Variants in PACS2 observed in about 807,000 individuals in gnomAD.
The protein encoded by PACS2 is phosphofurin acidic cluster sorting protein 2.
PACS2 carries 36 observed loss-of-function variants against 113.0 expected under a neutral mutation model. The observed-to-expected ratio is 0.32, with a 90% CI of 0.24 to 0.42. The LOEUF is 0.42. PACS2 is among the 10% of genes least tolerant of loss of function. The pLI is 1.00. For missense variants in PACS2, 1,015 were observed against 1,239.5 expected (o/e 0.82, Z 2.72); for synonymous variants, 589 against 536.1 (o/e 1.10, Z -1.36).
chr14:105,394,825 G>GT lies in PACS2; in HGVS notation c.*153_*154insT. The GT allele has an allele frequency of 1.6e-6, 1 of 636,066 alleles. No homozygotes were observed. Among genetic ancestry groups the GT allele is most frequent in the Non-Finnish European group, 2.8e-6 (1 of 352,750 alleles). The allele number at this position is 636,066 out of a possible 1,614,324, so 39.4% of individuals were successfully genotyped here. ...TGTGCTCACAACGTGGAAACTAACGGGGGAGCTCCTGCCAGGAGCCGAATA... is the reference window on the plus strand; with the variant it reads ...TGTGCTCACAACGTGGAAACTAACGGTGGGAGCTCCTGCCAGGAGCCGAATA... On this transcript the variant is annotated 3_prime_UTR_variant, in exon 25 of 25. Transcript: ENST00000447393.
chr14:105,369,911 C>T lies in PACS2; in HGVS notation c.801+11C>T, dbSNP rs371774004. On this transcript the variant is annotated intron_variant, in intron 8 of 24. Coordinates refer to ENST00000447393, the MANE Select transcript of PACS2 (RefSeq NM_001100913.3). ...AAAGTGTCCGACGAGGTGAGTGCGC[C>T]GCGCCTTCTGCTCGCGGCCCCCACG... 4.6e-5 allele frequency: 73 copies of T among 1,597,256 alleles called. No individual in the cohort carries two copies. The highest frequency in any genetic ancestry group is 1.1e-4 in the East Asian group (5 of 44,556).
At chr14:105,391,512 T>TGGCCC in intron 21 of PACS2, 119 bp from the exon 22 acceptor site, 19 of 611,262 alleles carry the variant, frequency 3.1e-5, no homozygotes, top group East Asian at 8.7e-5. Flanking sequence ...CACTGGGGAC[T>TGGCCC]CCCACCCTGC....
chr14:105,339,159 G>A (rs1453162624), intron 1 of PACS2, among the ~76,000 whole-genome samples: 3 of 152,190 alleles, frequency 2.0e-5, no homozygotes, highest in Non-Finnish European at 2.9e-5. Flanking sequence ...TGCCAAAGAT[G>A]GAAAGTGGGG....
In PACS2 at chr14:105,376,668, C is replaced by G. The variant is rs2080790586; in HGVS notation, c.802-100C>G. On this transcript the variant is annotated intron_variant, in intron 8 of 24. Transcript: ENST00000447393. This position sits in a 1 kb window ranked among gnomAD's most constrained non-coding sequence, Gnocchi z 4.7. ...GTGGAGGGGTTTGGTGGCTGGGTGC[C>G]CGCCTCCTATTGCTCCTGCAGACTC... The G allele has an allele frequency of 1.8e-6, 2 of 1,140,478 alleles. No homozygotes were observed. The highest frequency in any genetic ancestry group is 1.6e-5 in the African/African-American group (1 of 63,816). 70.6% of individuals were successfully genotyped at this position (1,140,478 alleles called of 1,614,324 possible).
chr14:105,394,808 C>A lies in PACS2; in HGVS notation c.*136C>A. ...ACAGTCTTAAGTATGAATGTGCTCA[C>A]AACGTGGAAACTAACGGGGGAGCTC... On this transcript the variant is annotated 3_prime_UTR_variant, in exon 25 of 25. Transcript: ENST00000447393. 1.5e-6 allele frequency: 1 copy of A among 680,480 alleles called. No homozygotes were observed. The highest frequency in any genetic ancestry group is 2.6e-6 in the Non-Finnish European group (1 of 377,876). 42.2% of individuals were successfully genotyped at this position (680,480 alleles called of 1,614,324 possible).
rs1248593195 is a variant in PACS2, at chr14:105,376,807, G to A, written c.841G>A (p.Glu281Lys). The part of the protein sequence containing the change: ...SEQDPAEHIP[E>K]AEEDLDLLYD... The stretch of plus-strand genomic sequence containing the variant: ...GCAGGACCCTGCGGAGCACATCCCC[G>A]AGGCAGAGGAGGACCTGGACCTCCT... Residue 281 changes from glutamate (E) to lysine (K), a missense_variant, in exon 9 of 25, where the codon GAG (glutamate) becomes AAG (lysine). This residue lies in a region of PACS2 where 859 missense variants were observed against 1,056.8 expected (regional missense o/e 0.81). Coordinates refer to ENST00000447393, the MANE Select transcript of PACS2 (RefSeq NM_001100913.3). This position sits in a 1 kb window ranked among gnomAD's most constrained non-coding sequence, Gnocchi z 4.7. 28 of 1,613,070 alleles carry A rather than the reference G, an allele frequency of 1.7e-5. No individual in the cohort carries two copies. The highest frequency in any genetic ancestry group is 2.2e-5 in the East Asian group (1 of 44,898).
upstream of PACS2, among the ~76,000 whole-genome samples, chr14:105,309,683 A>G (rs2058290815): frequency 6.8e-6 from 1 of 147,186 alleles, no homozygotes; most frequent in Admixed American, 6.8e-5. This position sits in a 1 kb window ranked among gnomAD's most constrained non-coding sequence, Gnocchi z 4.0. Flanking sequence ...CCAGGAGGGG[A>G]GCAGCGTGCA....
In PACS2 at chr14:105,357,851, C is replaced by T. The variant is rs1476651330; in HGVS notation, c.423+2674C>T. On this transcript the variant is annotated intron_variant, in intron 4 of 24. Transcript: ENST00000447393. This position sits in a 1 kb window ranked among gnomAD's most constrained non-coding sequence, Gnocchi z 5.1. Reference sequence around the variant, plus strand: ...GAGTGGGGTGTCGGTGAGGCTGGCGCCATGCATTTGAGAGTAGTGCTCGGC... The same window carrying T: ...GAGTGGGGTGTCGGTGAGGCTGGCGTCATGCATTTGAGAGTAGTGCTCGGC... 1.3e-5 allele frequency among the ~76,000 whole-genome samples: 2 copies of T among 152,090 alleles called. No individual in the cohort carries two copies. The highest frequency in any genetic ancestry group is 2.4e-5 in the African/African-American group (1 of 41,402).
intron 8 of PACS2, among the ~76,000 whole-genome samples, chr14:105,375,427 G>A (rs1386532380): frequency 2.1e-5 from 3 of 143,386 alleles, no homozygotes; most frequent in East Asian, 2.1e-4. Flanking sequence ...GCAGTGAGCC[G>A]AGATCGTGCC....
In PACS2 at chr14:105,381,065, A is replaced by G. The variant is rs2080974542; in HGVS notation, c.1234A>G (p.Thr412Ala). ...TERLPPSGRI[T>A]KTESLVIPST... is the part of the protein sequence containing the mutation. ...GAGGCTGCCGCCCAGCGGGAGGATC[A>G]CCAAGACAGAGTCCCTTGTCATCCC... The change falls in exon 12 of 25, where the codon ACC (threonine) becomes GCC (alanine). Residue 412 changes from threonine to alanine, a missense_variant. Transcript: ENST00000447393. 2.5e-6 allele frequency: 4 copies of G among 1,612,346 alleles called. No homozygotes were observed. In the East Asian group the frequency reaches 8.9e-5, roughly 36 times the overall value.
At position 105,366,454 on chromosome 14, in the gene PACS2, G is replaced by C. The variant is rs1451406868; in HGVS notation, c.424-759G>C. On this transcript the variant is annotated intron_variant, in intron 4 of 24. Transcript: ENST00000447393. The surrounding 1 kb of genome is among the most constrained non-coding windows in gnomAD (Gnocchi z 4.3). ...AGAGCACAGCTGGCCCCAAGGCTGT[G>C]AGTGTCTGAGAGTTGTCGTCATGGC... Among the ~76,000 whole-genome samples, 3 of 152,230 alleles carry C rather than the reference G, an allele frequency of 2.0e-5. No homozygotes were observed. The highest frequency in any genetic ancestry group is 7.2e-5 in the African/African-American group (3 of 41,466).
At chr14:105,316,463 G>T (rs1043455799) in intron 1 of PACS2, among the ~76,000 whole-genome samples, 4 of 152,210 alleles carry the variant, frequency 2.6e-5, no homozygotes, top group Non-Finnish European at 5.9e-5. Flanking sequence ...CTCACCCACA[G>T]CCCCAGAACC....
At chr14:105,378,609 A>G (rs2080868016) in intron 9 of PACS2, among the ~76,000 whole-genome samples, 1 of 152,172 alleles carries the variant, frequency 6.6e-6, no homozygotes, top group South Asian at 2.1e-4. Flanking sequence ...GGGTCTCCCT[A>G]TGTTTCCCAG....
At chr14:105,372,337 CA>C (rs1555409567) in intron 8 of PACS2, 1 of 152,208 alleles carries the variant, frequency 6.6e-6, no homozygotes, top group African/African-American at 2.4e-5. Flanking sequence ...ACAAGGGTGC[CA>C]AGTTCATTGG....
At chr14:105,368,000 C>T in intron 5 of PACS2, 74 bp from the exon 6 acceptor site, 1 of 940,546 alleles carries the variant, frequency 1.1e-6, no homozygotes, top group South Asian at 1.3e-5. Flanking sequence ...TCCAGGGAAG[C>T]CTGGGGGTGG....
At position 105,394,918 on chromosome 14, in the gene PACS2, T is replaced by C. The variant is rs782537154; in HGVS notation, c.*246T>C. The C allele has an allele frequency of 1.1e-5, 5 of 464,886 alleles. No individual in the cohort carries two copies. Among genetic ancestry groups the C allele is most frequent in the Non-Finnish European group, 2.0e-5 (5 of 253,396 alleles). The allele number at this position is 464,886 out of a possible 1,614,324, so 28.8% of individuals were successfully genotyped here. On this transcript the variant is annotated 3_prime_UTR_variant, in exon 25 of 25. Transcript: ENST00000447393. ...AAGCCAGAAGGACGATGCTGAGCCATGGATCGCGGAAGGCGTCCTCTGGCC... is the reference window on the plus strand; with the variant it reads ...AAGCCAGAAGGACGATGCTGAGCCACGGATCGCGGAAGGCGTCCTCTGGCC...
In PACS2 at chr14:105,340,048, C is replaced by T. The variant is rs1292222498; in HGVS notation, c.120-8445C>T. On this transcript the variant is annotated intron_variant, in intron 1 of 24. Coordinates refer to ENST00000447393, the MANE Select transcript of PACS2 (RefSeq NM_001100913.3). The surrounding 1 kb of genome is among the most constrained non-coding windows in gnomAD (Gnocchi z 4.2). ...CCTGCCTTGGCCTCCCAAAGGGCTG[C>T]GATTCCAAGTGTGAGCCACCGCGTC... is the stretch of plus-strand genomic sequence containing the variant. 1.3e-5 allele frequency among the ~76,000 whole-genome samples: 2 copies of T among 152,186 alleles called. No individual in the cohort carries two copies. The highest frequency in any genetic ancestry group is 2.9e-5 in the Non-Finnish European group (2 of 68,040).
intron 3 of PACS2, among the ~76,000 whole-genome samples, chr14:105,352,996 G>GC (rs1555404458): frequency 9.2e-5 from 12 of 130,870 alleles, no homozygotes; most frequent in Admixed American, 1.5e-4. Flanking sequence ...TGGGGTGACG[G>GC]GCCCCCTCAT....
chr14:105,362,371 C>T (rs782562430), intron 4 of PACS2, among the ~76,000 whole-genome samples: 22 of 148,782 alleles, frequency 1.5e-4, no homozygotes, highest in Admixed American at 3.3e-4. Context: ...GAGCCGAGAT[C>T]GCGCCACTGC....
Sources: allele counts gnomAD v4.1 joint callset (sites outside exome capture counted in the v4.1 genomes callset), GRCh38; gene constraint gnomAD v4.1.1; regional missense constraint gnomAD v4.1.1; non-coding constraint Gnocchi (gnomAD v3.1); transcripts MANE v1.5; gene names NCBI Gene and HGNC (gene_info 2026-07-23, HGNC 2026-07-21).